Variants in GRHL1 observed in about 807,000 individuals in gnomAD.
GRHL1 encodes the protein grainyhead-like protein 1 homolog.
In GRHL1, 38 loss-of-function variants were observed where a neutral mutation model predicts 75.7. That is an observed-to-expected ratio of 0.50 (90% CI 0.39 to 0.66). GRHL1 has a LOEUF of 0.66. GRHL1 is among the 30% of genes least tolerant of loss of function. The probability of loss-of-function intolerance (pLI) is 0.00; values close to 1 mark genes in which losing one functional copy is unlikely to be tolerated. For synonymous variants in GRHL1, 266 were observed against 279.4 expected, an observed-to-expected ratio of 0.95 and a Z score of 0.48; for missense variants, 589 against 767.5, an observed-to-expected ratio of 0.77 and a Z score of 2.75.
chr2:9,986,850 G>A (rs1286401501), intron 9 of GRHL1, among the ~76,000 whole-genome samples: 1 of 152,180 alleles, frequency 6.6e-6, no homozygotes, highest in Non-Finnish European at 1.5e-5. Context: ...GGGACTACAG[G>A]CACATCCCAT....
At chr2:9,997,769 G>C (rs570938849) in intron 14 of GRHL1, among the ~76,000 whole-genome samples, 1 of 151,492 alleles carries the variant, frequency 6.6e-6, no homozygotes, top group Admixed American at 6.6e-5. Context: ...GTTGTAGTGA[G>C]CTGAGATCCC....
chr2:9,994,962 C>T (rs1417951080), intron 12 of GRHL1, among the ~76,000 whole-genome samples: 2 of 152,156 alleles, frequency 1.3e-5, no homozygotes, highest in Non-Finnish European at 2.9e-5. Context: ...GGTTTTTCTG[C>T]TTGAAGGTCC....
chr2:9,964,590 G>A (rs1485246227), intron 7 of GRHL1: 4 of 391,840 alleles, frequency 1.0e-5, no homozygotes, highest in Admixed American at 8.2e-5. Context: ...CAGAAGCCAT[G>A]TAGCTGGCTA....
chr2:9,981,541 C>T (rs1034184293), intron 8 of GRHL1, among the ~76,000 whole-genome samples: 12 of 152,182 alleles, frequency 7.9e-5, no homozygotes, highest in Non-Finnish European at 1.6e-4. Context: ...CAAGTTTTAT[C>T]GAAACACGAC....
chr2:9,961,460 T>C, intron 4 of GRHL1, 24 bp downstream of exon 4: 1 of 1,578,156 alleles, frequency 6.3e-7, no homozygotes, highest in South Asian at 1.1e-5. Flanking sequence ...AACATCTTCC[T>C]AAGACGCCTG....
chr2:9,952,905 A>C (rs535239725), intron 1 of GRHL1: 6 of 423,390 alleles, frequency 1.4e-5, no homozygotes, highest in Non-Finnish European at 2.4e-5. Context: ...CTTATGTTGT[A>C]GAATATGCAG....
At position 9,954,952 on chromosome 2, in the gene GRHL1, T is replaced by C; in HGVS notation, c.58T>C (p.Tyr20His). ...PVLVLQNEAL[Y>H]PQRRSYTSED... ...GTTGGTTCTTCAGAATGAAGCACTT[T>C]ATCCACAGCGGCGGTCCTACACTAG... Residue 20 changes from tyrosine to histidine, a missense_variant, in exon 2 of 16, where the codon TAT becomes CAT. By Grantham distance (83) the Tyr-to-His change is moderately conservative. Around this residue, in one of 5 missense-constraint regions of GRHL1, gnomAD observed 362 missense variants for 461.8 expected, o/e 0.78. Transcript: ENST00000324907. The C allele has an allele frequency of 6.2e-7, 1 of 1,613,886 alleles. No homozygotes were observed. The highest frequency in any genetic ancestry group is 8.5e-7 in the Non-Finnish European group (1 of 1,179,756).
chr2:9,998,654 A>ATATATG (rs1428370220), intron 14 of GRHL1, among the ~76,000 whole-genome samples: 6 of 54,746 alleles, frequency 1.1e-4, no homozygotes, highest in African/African-American at 6.0e-4. Flanking sequence ...ACATATACAT[A>ATATATG]TACATATATA....
intron 14 of GRHL1, among the ~76,000 whole-genome samples, chr2:9,997,075 G>A (rs1185116848): frequency 6.6e-6 from 1 of 152,216 alleles, no homozygotes; most frequent in East Asian, 1.9e-4. Flanking sequence ...TAAGCTCAAA[G>A]TGTGTCCATA....
rs199689931 is a variant in GRHL1, at chr2:9,998,782, GTA to G, written c.1678-175_1678-174del. Among the ~76,000 whole-genome samples, 157 of 28,426 alleles carry G rather than the reference GTA, an allele frequency of 5.5e-3. 25 individuals are homozygous for G. Among genetic ancestry groups the G allele is most frequent in the East Asian group, 0.024 (36 of 1,528 alleles). 18.6% of individuals were successfully genotyped at this position (28,426 alleles called of 152,430 possible). ...TATATATATGTACACACATATATAC[GTA>G]TATATATGTACACACATATATATAC... is the stretch of plus-strand genomic sequence containing the variant. On this transcript the variant is annotated intron_variant, in intron 14 of 15. Coordinates refer to ENST00000324907, the MANE Select transcript of GRHL1 (RefSeq NM_198182.3).
rs1380118775 is a variant in GRHL1, at chr2:9,992,632, C to T, written c.1461+486C>T. ...AAAACTAAATTTTAAAAAATGGTCA[C>T]GCCCTGTTTTGTGGCAAAGGCTTAC... is the stretch of plus-strand genomic sequence containing the variant. On this transcript the variant is annotated intron_variant, in intron 11 of 15. Coordinates refer to ENST00000324907, the MANE Select transcript of GRHL1 (RefSeq NM_198182.3). The surrounding 1 kb of genome is among the most constrained non-coding windows in gnomAD (Gnocchi z 4.6). 1.3e-5 allele frequency among the ~76,000 whole-genome samples: 2 copies of T among 152,200 alleles called. No homozygotes were observed. The highest frequency in any genetic ancestry group is 2.9e-5 in the Non-Finnish European group (2 of 68,040).
chr2:9,993,687 G>A (rs922546137), intron 12 of GRHL1, among the ~76,000 whole-genome samples: 2 of 152,198 alleles, frequency 1.3e-5, no homozygotes, highest in Admixed American at 6.5e-5. Context: ...GCCTGGCAGG[G>A]ATGTCATAGA....
At chr2:9,997,395 G>A (rs1010457093) in intron 14 of GRHL1, among the ~76,000 whole-genome samples, 4 of 152,140 alleles carry the variant, frequency 2.6e-5, no homozygotes, top group African/African-American at 4.8e-5. Context: ...CCAAGTCCAC[G>A]GGTGTCACTC....
intron 8 of GRHL1, among the ~76,000 whole-genome samples, chr2:9,980,195 C>G (rs1233136517): frequency 6.9e-6 from 1 of 145,672 alleles, no homozygotes; most frequent in Non-Finnish European, 1.5e-5. Context: ...TCCTTGTTTT[C>G]TCTTTGAGGA....
At chr2:9,985,832 C>T (rs1025416519) in intron 8 of GRHL1, among the ~76,000 whole-genome samples, 2 of 152,186 alleles carry the variant, frequency 1.3e-5, no homozygotes, top group Non-Finnish European at 2.9e-5. Context: ...GCTAACCAGC[C>T]TCTTCCCCTG....
chr2:9,957,191 A>ACAGGC (rs1398562020), intron 2 of GRHL1, among the ~76,000 whole-genome samples: 1 of 151,766 alleles, frequency 6.6e-6, no homozygotes, highest in Non-Finnish European at 1.5e-5. Context: ...GAGTCTCACT[A>ACAGGC]TGTTGCCCAG....
At chr2:9,999,931 T>G (rs1355613143) in intron 15 of GRHL1, among the ~76,000 whole-genome samples, 1 of 152,250 alleles carries the variant, frequency 6.6e-6, no homozygotes, top group African/African-American at 2.4e-5. Context: ...CTGGAGTGTG[T>G]AATTTGTCAG....
At chr2:9,994,074 C>T (rs1172946099) in intron 12 of GRHL1, among the ~76,000 whole-genome samples, 2 of 152,136 alleles carry the variant, frequency 1.3e-5, no homozygotes, top group African/African-American at 2.4e-5. Context: ...GACGCTACCC[C>T]TCTTTGGGCT....
intron 14 of GRHL1, among the ~76,000 whole-genome samples, chr2:9,998,502 A>G (rs867935547): frequency 0.045 from 210 of 4,706 alleles, 10 homozygotes; most frequent in South Asian, 0.12. Context: ...GTATATATAC[A>G]TATATATACG....
Sources: allele counts gnomAD v4.1 joint callset (sites outside exome capture counted in the v4.1 genomes callset), GRCh38; gene constraint gnomAD v4.1.1; regional missense constraint gnomAD v4.1.1; non-coding constraint Gnocchi (gnomAD v3.1); transcripts MANE v1.5; gene names NCBI Gene and HGNC (gene_info 2026-07-23, HGNC 2026-07-21).